OTOF: variants seen among roughly 807,000 people sequenced by gnomAD.
OTOF encodes the protein fer-1-like family member 2.
In OTOF, 218 loss-of-function variants were observed where a neutral mutation model predicts 236.8. The ratio of observed to expected loss-of-function variants is 0.92; its 90% CI spans 0.82 to 1.03. OTOF has a LOEUF of 1.03. Among genes scored for constraint, OTOF ranks in the 50% least tolerant of loss-of-function variants. The pLI, the probability that OTOF is intolerant of heterozygous loss-of-function variation, is 0.00. For missense variants in OTOF, 2,590 were observed against 2,694.4 expected, an observed-to-expected ratio of 0.96 and a Z score of 0.86; for synonymous variants, 1,041 against 1,072.5, an observed-to-expected ratio of 0.97 and a Z score of 0.57.
rs1030420850 is a variant in OTOF, at chr2:26,480,219, G to C, written c.1896C>G (p.Thr632=). 1.2e-6 allele frequency: 2 copies of C among 1,610,136 alleles called. No individual in the cohort carries two copies. The highest frequency in any genetic ancestry group is 2.7e-5 in the African/African-American group (2 of 74,880). Residue 632 remains threonine, a synonymous_variant, in exon 16 of 47, where the codon ACC becomes ACG. Transcript: ENST00000272371. ...AGCACTCACCTATGGTGACCTCAAA[G>C]GTGATGGGCTTGTCTCCGTTTCTCC... The part of the protein sequence containing the change: ...IDRRNGDKPI[T]FEVTIGNYGN...
chr2:26,527,170 C>A (rs139554651), intron 3 of OTOF, among the ~76,000 whole-genome samples: 1 of 152,230 alleles, frequency 6.6e-6, no homozygotes, highest in East Asian at 1.9e-4. Context: ...GTAGGCACCC[C>A]GCCCTCTGCA....
rs367777934 is a variant in OTOF, at chr2:26,470,565, C to G, written c.4023+28G>C. On this transcript the variant is annotated intron_variant, in intron 32 of 46. Transcript: ENST00000272371. This position sits in a 1 kb window ranked among gnomAD's most constrained non-coding sequence, Gnocchi z 4.3. ...GAGGGTCTGAGTGTGGAGGGGGTCA[C>G]CTCCCCTCACCCTACCCGAGGTCTC... The G allele has an allele frequency of 3.1e-6, 5 of 1,609,764 alleles. No individual in the cohort carries two copies. The highest frequency in any genetic ancestry group is 4.3e-6 in the Non-Finnish European group (5 of 1,176,282).
Position 26,473,194 on chromosome 2 carries a change from C to T in OTOF, c.3671G>A (p.Ser1224Asn). The change falls in exon 29 of 47, where the codon AGC becomes AAC. Residue 1224 changes from serine to asparagine, a missense_variant. This residue lies in a region of OTOF where 1,211 missense variants were observed against 1,352.8 expected (regional missense o/e 0.90). Coordinates refer to ENST00000272371, the MANE Select transcript of OTOF (RefSeq NM_194248.3). The surrounding 1 kb of genome is among the most constrained non-coding windows in gnomAD (Gnocchi z 7.2). ...CCGGTAGATGAAGCGTCGCAGGGAG[C>T]TGACGGCATGGGAGCCCACCAGTGT... is the stretch of plus-strand genomic sequence containing the variant. ...RYTLVGSHAVSSLRRFIYRPP... is the reference protein window; with the variant it reads ...RYTLVGSHAVNSLRRFIYRPP... 1.9e-6 allele frequency: 3 copies of T among 1,613,140 alleles called. No individual in the cohort carries two copies. Among genetic ancestry groups the T allele is most frequent in the South Asian group, 1.1e-5 (1 of 91,084 alleles).
Position 26,510,626 on chromosome 2 carries a change from C to T in OTOF, c.509+5792G>A, listed in dbSNP as rs117722924. 7.4e-4 allele frequency: 709 copies of T among 958,726 alleles called. 14 individuals are homozygous for T. In the East Asian group the frequency reaches 0.028, roughly 38 times the overall value. 59.4% of individuals were successfully genotyped at this position (958,726 alleles called of 1,614,324 possible). On this transcript the variant is annotated intron_variant, in intron 5 of 46. Transcript: ENST00000272371. ...TGAGCCCTCTCAGCCGAGCCCATCC[C>T]GCCCTCCACAGCCTGTGGGGAGGAG...
chr2:26,554,217 A>G (rs1175271460), intron 1 of OTOF, among the ~76,000 whole-genome samples: 3 of 151,190 alleles, frequency 2.0e-5, no homozygotes, highest in African/African-American at 7.3e-5. Context: ...GCCCTAGAAG[A>G]TTCTCTGGGT....
Position 26,477,364 on chromosome 2 carries a change from T to C in OTOF, c.2406+52A>G. 6.4e-7 allele frequency: 1 copy of C among 1,567,714 alleles called. No individual in the cohort carries two copies. The highest frequency in any genetic ancestry group is 8.7e-7 in the Non-Finnish European group (1 of 1,150,478). Reference sequence around the variant, plus strand: ...CCATGACAAAGGGGGTTGTGACACCTTCTCACAACCAGGCCCTCCCTCCAG... The same window carrying C: ...CCATGACAAAGGGGGTTGTGACACCCTCTCACAACCAGGCCCTCCCTCCAG... On this transcript the variant is annotated intron_variant, in intron 20 of 46. Transcript: ENST00000272371. This position sits in a 1 kb window ranked among gnomAD's most constrained non-coding sequence, Gnocchi z 4.7.
intron 1 of OTOF, among the ~76,000 whole-genome samples, chr2:26,538,382 T>A (rs914975058): frequency 6.6e-6 from 1 of 152,226 alleles, no homozygotes; most frequent in African/African-American, 2.4e-5. Flanking sequence ...GAGAAGACAG[T>A]CTCTGGCAGT....
At chr2:26,497,674 T>C (rs1200945771) in intron 8 of OTOF, among the ~76,000 whole-genome samples, 1 of 152,194 alleles carries the variant, frequency 6.6e-6, no homozygotes, top group Non-Finnish European at 1.5e-5. Flanking sequence ...AGGGGATATT[T>C]ACAAATGAAG....
chr2:26,472,543 C>T lies in OTOF; in HGVS notation c.3840G>A (p.Leu1280=). ...TMEPEVPIKK[L]ETMVKLDATS... ...CCGCGTCCAGCTTCACCATGGTCTC[C>T]AGTTTCTTGATGGGTACCTCTGGCT... The change falls in exon 30 of 47, where the codon CTG becomes CTA. Residue 1280 remains leucine (L), a synonymous_variant. Transcript: ENST00000272371. The T allele has an allele frequency of 1.2e-6, 2 of 1,613,570 alleles. No individual in the cohort carries two copies. The highest frequency in any genetic ancestry group is 8.5e-7 in the Non-Finnish European group (1 of 1,180,030).
chr2:26,530,768 T>A (rs1014043820), intron 2 of OTOF, among the ~76,000 whole-genome samples: 2 of 152,186 alleles, frequency 1.3e-5, no homozygotes, highest in African/African-American at 4.8e-5. Flanking sequence ...TCAGGGGTTC[T>A]TCATCTTGGC....
At chr2:26,466,318 G>A in intron 36 of OTOF, 1 of 582,260 alleles carries the variant, frequency 1.7e-6, no homozygotes, top group Non-Finnish European at 3.1e-6. Context: ...GTCTGGGGCT[G>A]TCAGTATGCA....
chr2:26,537,688 A>C lies in OTOF; in HGVS notation c.138+28T>G, dbSNP rs13398223. 13,879 of 1,532,326 alleles carry C rather than the reference A, an allele frequency of 9.1e-3. 1,058 individuals carry two copies. In the African/African-American group the frequency reaches 0.17, roughly 18 times the overall value. 94.9% of individuals were successfully genotyped at this position (1,532,326 alleles called of 1,614,324 possible). A position where few individuals can be genotyped will look rare whatever the true frequency, so the allele number is the denominator to read the frequency against. ...CTGTTCCCCTCTGGGCTCAGGGCTG[A>C]GGGAGGGGGGAGTCTTGGGCCTCCT... is the stretch of plus-strand genomic sequence containing the variant. On this transcript the variant is annotated intron_variant, in intron 2 of 46. Transcript: ENST00000272371.
rs746795300 is a variant in OTOF at position 26,464,913 on chromosome 2, G to A, written c.4916C>T (p.Ala1639Val). Residue 1639 changes from alanine to valine, a missense_variant, in exon 39 of 47, where the codon GCC (alanine) becomes GTC (valine). Coordinates refer to ENST00000272371, the MANE Select transcript of OTOF (RefSeq NM_194248.3). ...AGAGGGCCCAGTGAAGACGCGGTTG[G>A]CCACCTTCACTCTCCCAGGGGGCCC... is the stretch of plus-strand genomic sequence containing the variant. ...HFGPPGRVKVANRVFTGPSEI... is the reference protein window; with the variant it reads ...HFGPPGRVKVVNRVFTGPSEI... 4 of 1,596,038 alleles carry A rather than the reference G, an allele frequency of 2.5e-6. No individual in the cohort carries two copies. In the East Asian group the frequency reaches 6.8e-5, roughly 27 times the overall value.
chr2:26,503,708 T>G (rs1002276382), intron 6 of OTOF, 64 bp downstream of exon 6: 3 of 1,456,594 alleles, frequency 2.1e-6, no homozygotes, highest in African/African-American at 2.8e-5. Flanking sequence ...GGGCAGGGGC[T>G]GGAAAGCGGC....
intron 9 of OTOF, among the ~76,000 whole-genome samples, chr2:26,492,818 G>C (rs927579972): frequency 6.6e-6 from 1 of 152,188 alleles, no homozygotes; most frequent in Admixed American, 6.5e-5. Context: ...GACAGAGCAG[G>C]CAAGGCTGCT....
Position 26,503,704 on chromosome 2 carries a change from G to C in OTOF, c.583+68C>G. 2.8e-6 allele frequency: 4 copies of C among 1,415,056 alleles called. No homozygotes were observed. The South Asian group carries it at 4.6e-5, about 16-fold the overall frequency. The allele number at this position is 1,415,056 out of a possible 1,614,324, so 87.7% of individuals were successfully genotyped here. On this transcript the variant is annotated intron_variant, in intron 6 of 46. Coordinates refer to ENST00000272371, the MANE Select transcript of OTOF (RefSeq NM_194248.3). The stretch of plus-strand genomic sequence containing the variant: ...GGAGGGCCTTTTGGCAGCCGGGCAG[G>C]GGCTGGAAAGCGGCGGGAGGGCGCC...
In OTOF at chr2:26,472,128, G is replaced by A. The variant is rs543862045; in HGVS notation, c.3864+391C>T. ...ATGCACATGTGCACACCACACGCAC[G>A]CACGTGCATATGCACATACCCCACA... On this transcript the variant is annotated intron_variant, in intron 30 of 46. Transcript: ENST00000272371. 6.4e-4 allele frequency among the ~76,000 whole-genome samples: 95 copies of A among 149,550 alleles called. No homozygotes were observed. In the South Asian group the frequency reaches 7.1e-3, roughly 11 times the overall value.
intron 1 of OTOF, among the ~76,000 whole-genome samples, chr2:26,552,070 G>GT (rs940156951): frequency 2.2e-4 from 27 of 121,830 alleles, no homozygotes; most frequent in Admixed American, 1.3e-3. Flanking sequence ...GTATTTGAGA[G>GT]TTTTTTTATA....
chr2:26,511,622 G>C (rs991871032), intron 5 of OTOF, among the ~76,000 whole-genome samples: 1 of 152,204 alleles, frequency 6.6e-6, no homozygotes, highest in East Asian at 1.9e-4. Context: ...TAACCTTTAC[G>C]TTGGGCAAGC....
Sources: allele counts gnomAD v4.1 joint callset (sites outside exome capture counted in the v4.1 genomes callset), GRCh38; gene constraint gnomAD v4.1.1; regional missense constraint gnomAD v4.1.1; non-coding constraint Gnocchi (gnomAD v3.1); transcripts MANE v1.5; gene names NCBI Gene and HGNC (gene_info 2026-07-23, HGNC 2026-07-21).